ANKRD6: variants seen among roughly 807,000 people sequenced by gnomAD.
The protein encoded by ANKRD6 is ankyrin repeat domain 6.
In ANKRD6, 56 loss-of-function variants were observed where a neutral mutation model predicts 82.3. The ratio of observed to expected loss-of-function variants is 0.68; its 90% CI spans 0.55 to 0.85. The LOEUF is 0.85. Among genes scored for constraint, ANKRD6 ranks in the 40% least tolerant of loss-of-function variants. The pLI, the probability that ANKRD6 is intolerant of heterozygous loss-of-function variation, is 0.00. For missense variants in ANKRD6, 852 were observed against 907.6 expected, an observed-to-expected ratio of 0.94 and a Z score of 0.79; for synonymous variants, 347 against 352.1, an observed-to-expected ratio of 0.99 and a Z score of 0.16.
intron 1 of ANKRD6, among the ~76,000 whole-genome samples, chr6:89,471,347 AAAC>A (rs1156396348): frequency 2.0e-5 from 3 of 150,318 alleles, no homozygotes; most frequent in South Asian, 2.1e-4. Flanking sequence ...TCTGTCTCAA[AAAC>A]AACAACAACA....
intron 1 of ANKRD6, among the ~76,000 whole-genome samples, chr6:89,544,971 C>T (rs1342122154): frequency 6.6e-6 from 1 of 151,206 alleles, no homozygotes. Flanking sequence ...CCCAGCACTT[C>T]GGGAGGCGGA....
intron 1 of ANKRD6, among the ~76,000 whole-genome samples, chr6:89,437,317 G>C (rs184824622): frequency 6.6e-6 from 1 of 151,926 alleles, no homozygotes; most frequent in Non-Finnish European, 1.5e-5. Context: ...AGATAAGCCC[G>C]ACCAGTTCTT....
chr6:89,445,824 C>T (rs1262249577), intron 1 of ANKRD6, among the ~76,000 whole-genome samples: 1 of 151,988 alleles, frequency 6.6e-6, no homozygotes, highest in Non-Finnish European at 1.5e-5. Flanking sequence ...AGGTGATCCT[C>T]CTGCCTTGGC....
At chr6:89,497,666 CTCTGTG>C (rs1338641926) in intron 1 of ANKRD6, among the ~76,000 whole-genome samples, 2 of 152,120 alleles carry the variant, frequency 1.3e-5, no homozygotes, top group Non-Finnish European at 2.9e-5. Context: ...CTCTCTCTCT[CTCTGTG>C]TATCTGTGTA....
At chr6:89,545,014 C>A (rs1220397455) in intron 1 of ANKRD6, among the ~76,000 whole-genome samples, 5 of 151,846 alleles carry the variant, frequency 3.3e-5, no homozygotes, top group Non-Finnish European at 5.9e-5. Context: ...GAGATCCAGA[C>A]CATCCTGGCT....
intron 1 of ANKRD6, among the ~76,000 whole-genome samples, chr6:89,486,576 G>C (rs546196887): frequency 6.6e-6 from 1 of 152,218 alleles, no homozygotes; most frequent in African/African-American, 2.4e-5. Context: ...TGAGAGCTGG[G>C]ACATTTGAGA....
intron 8 of ANKRD6, chr6:89,616,900 G>A: frequency 3.1e-6 from 2 of 641,310 alleles, no homozygotes; most frequent in Non-Finnish European, 5.8e-6. Flanking sequence ...AACACAACCT[G>A]GCATGAAAAA....
Position 89,622,040 on chromosome 6 carries a change from C to T in ANKRD6, c.897+14C>T, listed in dbSNP as rs764975440. Reference sequence around the variant, plus strand: ...GCCCAAAGCAAGGTGGGGGGCAGTCCTCCCGCCGTCCCCACATCCACCCAT... The same window carrying T: ...GCCCAAAGCAAGGTGGGGGGCAGTCTTCCCGCCGTCCCCACATCCACCCAT... On this transcript the variant is annotated intron_variant, in intron 10 of 15. Transcript: ENST00000339746. 4 of 1,608,570 alleles carry T rather than the reference C, an allele frequency of 2.5e-6. No homozygotes were observed. The highest frequency in any genetic ancestry group is 2.2e-5 in the East Asian group (1 of 44,816).
intron 1 of ANKRD6, among the ~76,000 whole-genome samples, chr6:89,454,709 T>G (rs1396613557): frequency 6.6e-6 from 1 of 152,268 alleles, no homozygotes; most frequent in Admixed American, 6.5e-5. Flanking sequence ...TGGAATCATG[T>G]AAAGTGAAGA....
chr6:89,540,161 G>A (rs1784302338), intron 1 of ANKRD6, among the ~76,000 whole-genome samples: 1 of 152,180 alleles, frequency 6.6e-6, no homozygotes, highest in Admixed American at 6.5e-5. Flanking sequence ...CAGTGGGATT[G>A]CTGGATCATA....
At chr6:89,623,777 T>C (rs1351359814) in intron 11 of ANKRD6, 95 bp from the exon 12 acceptor site, 1 of 1,390,208 alleles carries the variant, frequency 7.2e-7, no homozygotes, top group Non-Finnish European at 9.7e-7. Flanking sequence ...AAAGTGGGGC[T>C]CTTTGCCCAA....
chr6:89,480,239 T>C (rs1776630367), intron 1 of ANKRD6, among the ~76,000 whole-genome samples: 1 of 152,206 alleles, frequency 6.6e-6, no homozygotes, highest in African/African-American at 2.4e-5. Flanking sequence ...CTGTTCTATT[T>C]TGTGTGTCTT....
chr6:89,521,195 A>C (rs1429901807), intron 1 of ANKRD6, among the ~76,000 whole-genome samples: 1 of 152,144 alleles, frequency 6.6e-6, no homozygotes, highest in African/African-American at 2.4e-5. Flanking sequence ...CCTTGCCCTC[A>C]CAGTGCTCAC....
chr6:89,604,738 G>A (rs1029343336), intron 4 of ANKRD6, among the ~76,000 whole-genome samples: 1 of 151,978 alleles, frequency 6.6e-6, no homozygotes, highest in Admixed American at 6.6e-5. Context: ...CCCACTGCCC[G>A]GGCCACACAC....
At chr6:89,527,137 C>G (rs970291562) in intron 1 of ANKRD6, among the ~76,000 whole-genome samples, 1 of 152,132 alleles carries the variant, frequency 6.6e-6, no homozygotes, top group African/African-American at 2.4e-5. Flanking sequence ...GGAAATAGAG[C>G]AGGTTCAGTT....
chr6:89,586,426 C>T (rs1358071019), intron 2 of ANKRD6, among the ~76,000 whole-genome samples: 1 of 152,150 alleles, frequency 6.6e-6, no homozygotes, highest in Non-Finnish European at 1.5e-5. Flanking sequence ...TAGTGGCTCA[C>T]ACCTGTAATC....
chr6:89,556,431 T>C (rs969773360), intron 1 of ANKRD6, among the ~76,000 whole-genome samples: 1 of 152,242 alleles, frequency 6.6e-6, no homozygotes, highest in Non-Finnish European at 1.5e-5. Context: ...AGGACCTGTT[T>C]TGAGACAAAG....
rs769265083 is a variant in ANKRD6, at chr6:89,630,666, A to G, written c.1846A>G (p.Arg616Gly). ...TCAGCAGGCTGGGCCCTGCGTCAACAGAGGCACTCAAACTAAGAAGTCTGG... is the reference window on the plus strand; with the variant it reads ...TCAGCAGGCTGGGCCCTGCGTCAACGGAGGCACTCAAACTAAGAAGTCTGG... The part of the protein sequence containing the change: ...SDQQAGPCVN[R>G]GTQTKKSGKS... Residue 616 changes from arginine to glycine, a missense_variant, in exon 16 of 16, where the codon AGA becomes GGA. Arg to Gly is a moderately radical substitution (Grantham distance 125). Transcript: ENST00000339746. 1.6e-5 allele frequency: 26 copies of G among 1,614,006 alleles called. No individual in the cohort carries two copies. The highest frequency in any genetic ancestry group is 2.2e-5 in the Non-Finnish European group (26 of 1,179,872).
At chr6:89,477,111 A>AT (rs1329274171) in intron 1 of ANKRD6, among the ~76,000 whole-genome samples, 2 of 151,844 alleles carry the variant, frequency 1.3e-5, no homozygotes, top group Non-Finnish European at 2.9e-5. Context: ...CGCCCGGCTA[A>AT]TTTTTTGCAT....
Sources: gnomAD v4.1 joint callset for allele counts (sites outside exome capture counted in the v4.1 genomes callset) on GRCh38, gnomAD v4.1.1 for gene constraint, MANE v1.5 for transcripts, NCBI Gene and HGNC (gene_info 2026-07-23, HGNC 2026-07-21) for gene names.